CHL1: variants seen among roughly 807,000 people sequenced by gnomAD.
CHL1 encodes neural cell adhesion molecule L1-like protein.
A neutral mutation model predicts 141.9 loss-of-function variants in CHL1; 96 were observed. That is an observed-to-expected ratio of 0.68 (90% CI 0.57 to 0.80). The LOEUF (loss-of-function observed/expected upper bound fraction) is 0.80. Ranked by LOEUF, CHL1 falls within the 30% of genes least tolerant of loss-of-function variation. The probability of loss-of-function intolerance (pLI) is 0.00; values close to 1 mark genes in which losing one functional copy is unlikely to be tolerated. For missense variants in CHL1, 1,820 were observed against 1,457.2 expected (o/e 1.25, Z -4.05); for synonymous variants, 613 against 502.2 (o/e 1.22, Z -2.95).
intron 2 of CHL1, among the ~76,000 whole-genome samples, chr3:265,872 C>A (rs1284435538): frequency 6.6e-6 from 1 of 152,108 alleles, no homozygotes; most frequent in African/African-American, 2.4e-5. Context: ...CCTCAGTATT[C>A]AAATTCTGGA....
intron 2 of CHL1, among the ~76,000 whole-genome samples, chr3:266,641 A>T (rs1695183185): frequency 6.6e-6 from 1 of 152,198 alleles, no homozygotes; most frequent in African/African-American, 2.4e-5. Flanking sequence ...GTTTTCCTGC[A>T]TCAAAGGGTT....
chr3:214,061 C>G (rs1700108441), intron 1 of CHL1, among the ~76,000 whole-genome samples: 1 of 152,162 alleles, frequency 6.6e-6, no homozygotes, highest in Admixed American at 6.5e-5. Context: ...CTAATGCTTG[C>G]TTAATCGCTT....
At position 406,060 on chromosome 3, in the gene CHL1, G is replaced by A. The variant is rs979959571; in HGVS notation, c.*349G>A. On this transcript the variant is annotated 3_prime_UTR_variant, in exon 28 of 28. Transcript: ENST00000256509. The stretch of plus-strand genomic sequence containing the variant: ...GTGTTTGCATAGATGTTGCTACTTG[G>A]TGGGTTTTTCTCCGTATGCACATTG... 8 of 222,574 alleles carry A rather than the reference G, an allele frequency of 3.6e-5. No homozygotes were observed. Among genetic ancestry groups the A allele is most frequent in the Middle Eastern group, 3.5e-3 (2 of 570 alleles). The allele number at this position is 222,574 out of a possible 1,614,324, so 13.8% of individuals were successfully genotyped here.
In CHL1 at chr3:363,254, C is replaced by A. The variant is rs141644867; in HGVS notation, c.1456C>A (p.Arg486=). The A allele has an allele frequency of 6.2e-7, 1 of 1,613,052 alleles. No individual in the cohort carries two copies. The highest frequency in any genetic ancestry group is 2.2e-5 in the East Asian group (1 of 44,862). The change falls in exon 14 of 28, where the codon CGG becomes AGG. Residue 486 remains arginine (R), a synonymous_variant. Transcript: ENST00000256509. The part of the protein sequence containing the change: ...VEEVKPLEGR[R]YHIYENGTLQ... Reference sequence around the variant, plus strand: ...AGAAGTGAAACCCCTGGAGGGCAGGCGGTATCATATCTATGAAAATGGCAC... The same window carrying A: ...AGAAGTGAAACCCCTGGAGGGCAGGAGGTATCATATCTATGAAAATGGCAC...
intron 2 of CHL1, among the ~76,000 whole-genome samples, chr3:290,972 G>T (rs913503165): frequency 6.6e-6 from 1 of 150,818 alleles, no homozygotes; most frequent in African/African-American, 2.4e-5. Context: ...AAGAAAAAAA[G>T]TTAAAACCAC....
At chr3:278,433 C>T (rs1460907149) in intron 2 of CHL1, among the ~76,000 whole-genome samples, 1 of 152,176 alleles carries the variant, frequency 6.6e-6, no homozygotes, top group East Asian at 1.9e-4. Context: ...TCATACCTGT[C>T]ACAAGATCTT....
chr3:375,792 G>A (rs1706238619), intron 15 of CHL1, among the ~76,000 whole-genome samples: 1 of 152,042 alleles, frequency 6.6e-6, no homozygotes, highest in African/African-American at 2.4e-5. Context: ...GATGAATTAG[G>A]CTCAATGTTT....
At chr3:203,300 T>A (rs775316506) in intron 1 of CHL1, among the ~76,000 whole-genome samples, 1 of 152,234 alleles carries the variant, frequency 6.6e-6, no homozygotes, top group Non-Finnish European at 1.5e-5. Context: ...GGAGATTTCA[T>A]GTAAAATTCA....
At chr3:270,892 C>T (rs1695575989) in intron 2 of CHL1, among the ~76,000 whole-genome samples, 1 of 152,168 alleles carries the variant, frequency 6.6e-6, no homozygotes, top group Non-Finnish European at 1.5e-5. Context: ...TCACAGCAGT[C>T]TCAGGGTAGT....
chr3:391,869 T>C lies in CHL1; in HGVS notation c.2914+72T>C. ...TTGGTTGAATATTCTCTGTGCTATG[T>C]TGGGAGTCTAATGATCACTTAAGGC... On this transcript the variant is annotated intron_variant, in intron 23 of 27. Transcript: ENST00000256509. The C allele has an allele frequency of 4.0e-6, 5 of 1,236,904 alleles. No individual in the cohort carries two copies. The South Asian group carries it at 7.2e-5, about 18-fold the overall frequency. The allele number at this position is 1,236,904 out of a possible 1,614,324, so 76.6% of individuals were successfully genotyped here. A position where few individuals can be genotyped will look rare whatever the true frequency, so the allele number is the denominator to read the frequency against.
chr3:232,187 A>G (rs559530019), intron 1 of CHL1, among the ~76,000 whole-genome samples: 1 of 152,304 alleles, frequency 6.6e-6, no homozygotes, highest in South Asian at 2.1e-4. Flanking sequence ...CCGGAGAATC[A>G]TGATCTCATT....
chr3:308,596 C>G (rs1372810169), intron 2 of CHL1: 3 of 149,670 alleles, frequency 2.0e-5, no homozygotes, highest in Non-Finnish European at 4.4e-5. Context: ...TAGATAATAT[C>G]TATATTATAG....
intron 4 of CHL1, among the ~76,000 whole-genome samples, chr3:326,753 T>C (rs1056526313): frequency 6.6e-6 from 1 of 151,910 alleles, no homozygotes. Flanking sequence ...GATTCTAAAA[T>C]GGAAAGCAAA....
chr3:219,862 C>A (rs1700669799), intron 1 of CHL1, among the ~76,000 whole-genome samples: 1 of 152,086 alleles, frequency 6.6e-6, no homozygotes, highest in South Asian at 2.1e-4. Context: ...AAAGAGAACA[C>A]ATTTCAGAAA....
intron 1 of CHL1, among the ~76,000 whole-genome samples, chr3:220,631 T>C (rs555873892): frequency 6.6e-6 from 1 of 152,238 alleles, no homozygotes; most frequent in African/African-American, 2.4e-5. Context: ...TAGAATGCTA[T>C]AATTGCACCT....
intron 2 of CHL1, among the ~76,000 whole-genome samples, chr3:275,538 A>G (rs1363688855): frequency 6.6e-6 from 1 of 152,226 alleles, no homozygotes; most frequent in Non-Finnish European, 1.5e-5. Context: ...CTGGACTGAC[A>G]CAGTTTTGTT....
chr3:387,779 T>C (rs1707877282), intron 19 of CHL1, among the ~76,000 whole-genome samples: 1 of 152,194 alleles, frequency 6.6e-6, no homozygotes, highest in Admixed American at 6.5e-5. Flanking sequence ...AGCAAAACTT[T>C]CCAATGAATC....
At chr3:251,922 T>A (rs1159035608) in intron 2 of CHL1, among the ~76,000 whole-genome samples, 1 of 152,110 alleles carries the variant, frequency 6.6e-6, no homozygotes, top group East Asian at 1.9e-4. Flanking sequence ...ATTGTCACAT[T>A]TTTACAGTCC....
At chr3:325,515 C>T (rs1700935567) in intron 3 of CHL1, among the ~76,000 whole-genome samples, 1 of 151,856 alleles carries the variant, frequency 6.6e-6, no homozygotes, top group Admixed American at 6.6e-5. Flanking sequence ...TATAGCATAT[C>T]AGTGGGAAGA....
Sources: allele counts gnomAD v4.1 joint callset (sites outside exome capture counted in the v4.1 genomes callset), GRCh38; gene constraint gnomAD v4.1.1; transcripts MANE v1.5; gene names NCBI Gene and HGNC (gene_info 2026-07-23, HGNC 2026-07-21).